Variants in FBXL7 observed in about 807,000 individuals in gnomAD.
FBXL7 encodes F-box and leucine rich repeat protein 7.
FBXL7 carries 12 observed loss-of-function variants against 38.3 expected under a neutral mutation model. The observed-to-expected ratio is 0.31, with a 90% CI of 0.20 to 0.51. The LOEUF (loss-of-function observed/expected upper bound fraction) is 0.51. FBXL7 is among the 20% of genes least tolerant of loss of function. The pLI is 0.98. For synonymous variants in FBXL7, 297 were observed against 300.9 expected, an observed-to-expected ratio of 0.99 and a Z score of 0.13; for missense variants, 567 against 676.4, an observed-to-expected ratio of 0.84 and a Z score of 1.79.
chr5:15,568,774 T>A (rs1475806151), intron 1 of FBXL7, among the ~76,000 whole-genome samples: 1 of 151,838 alleles, frequency 6.6e-6, no homozygotes, highest in Non-Finnish European at 1.5e-5. Flanking sequence ...GTATAAGGTG[T>A]AAGGAAGGGA....
intron 2 of FBXL7, among the ~76,000 whole-genome samples, chr5:15,839,785 T>C (rs934395231): frequency 2.6e-5 from 4 of 152,176 alleles, no homozygotes; most frequent in African/African-American, 9.6e-5. Flanking sequence ...CTCTTACTCC[T>C]ACCTCTCCTC....
intron 1 of FBXL7, 37 bp from the exon 2 acceptor site, chr5:15,615,946 A>G: frequency 6.8e-7 from 1 of 1,478,252 alleles, no homozygotes; most frequent in East Asian, 2.3e-5. Context: ...GTCTGAAATT[A>G]CAAATCTCAA....
intron 3 of FBXL7, among the ~76,000 whole-genome samples, chr5:15,934,939 C>G (rs527555263): frequency 6.6e-6 from 1 of 152,142 alleles, no homozygotes; most frequent in East Asian, 1.9e-4. Context: ...ATAATGCCAC[C>G]CAGGGATAAA....
intron 2 of FBXL7, among the ~76,000 whole-genome samples, chr5:15,768,346 A>C (rs961781668): frequency 1.3e-5 from 2 of 152,058 alleles, no homozygotes; most frequent in Non-Finnish European, 2.9e-5. Flanking sequence ...CCTGGCTAAC[A>C]CGGTGAAACC....
In FBXL7 at chr5:15,525,726, AGAG is replaced by A. The variant is rs1423385861; in HGVS notation, c.37+25017_37+25019del. Among the ~76,000 whole-genome samples the A allele has an allele frequency of 2.0e-5, 3 of 152,312 alleles. No homozygotes were observed. In the East Asian group the frequency reaches 5.8e-4, roughly 29 times the overall value. On this transcript the variant is annotated intron_variant, in intron 1 of 3. Coordinates refer to ENST00000504595, the MANE Select transcript of FBXL7 (RefSeq NM_012304.5). ...AGAGAAGGCGATATTCTTATATTTA[AGAG>A]GAGTCCTCAAAATGTGATAAGAAGA...
chr5:15,613,842 T>C (rs1332927661), intron 1 of FBXL7, among the ~76,000 whole-genome samples: 1 of 152,198 alleles, frequency 6.6e-6, no homozygotes, highest in Non-Finnish European at 1.5e-5. Context: ...AACAGAAATG[T>C]ATTTCTCACA....
At chr5:15,578,756 G>A (rs924891080) in intron 1 of FBXL7, among the ~76,000 whole-genome samples, 4 of 152,154 alleles carry the variant, frequency 2.6e-5, no homozygotes, top group African/African-American at 9.7e-5. Context: ...TACTAATTCT[G>A]CAAAATAAAA....
chr5:15,645,641 T>A (rs1216399549), intron 2 of FBXL7, among the ~76,000 whole-genome samples: 1 of 152,194 alleles, frequency 6.6e-6, no homozygotes, highest in African/African-American at 2.4e-5. Context: ...CAAAATAAAC[T>A]TTCTGAATTA....
chr5:15,840,349 A>G (rs77285085), intron 2 of FBXL7, among the ~76,000 whole-genome samples: 3 of 42,820 alleles, frequency 7.0e-5, no homozygotes, highest in Admixed American at 1.7e-4. Context: ...TGTTAGTAAA[A>G]ACCCCTCCTC....
intron 1 of FBXL7, among the ~76,000 whole-genome samples, chr5:15,543,785 T>C (rs1737824072): frequency 1.3e-5 from 2 of 152,220 alleles, no homozygotes; most frequent in South Asian, 4.1e-4. Flanking sequence ...CTATAGATGT[T>C]ATATGCATTT....
At chr5:15,570,199 G>A (rs187894721) in intron 1 of FBXL7, among the ~76,000 whole-genome samples, 331 of 152,248 alleles carry the variant, frequency 2.2e-3, no homozygotes, top group Middle Eastern at 0.017. Flanking sequence ...GGTAGAATTC[G>A]GCTGTGAATC....
chr5:15,874,371 C>T (rs895573205), intron 2 of FBXL7, among the ~76,000 whole-genome samples: 2 of 152,172 alleles, frequency 1.3e-5, no homozygotes, highest in African/African-American at 4.8e-5. Flanking sequence ...CAAGGATGCC[C>T]TCTCTCACCA....
chr5:15,628,649 T>G (rs1484420125), intron 2 of FBXL7, among the ~76,000 whole-genome samples: 1 of 152,252 alleles, frequency 6.6e-6, no homozygotes, highest in Non-Finnish European at 1.5e-5. Flanking sequence ...CATTTAAGCA[T>G]GCTGTTGTTA....
At chr5:15,550,767 G>C (rs1042799885) in intron 1 of FBXL7, among the ~76,000 whole-genome samples, 9 of 152,228 alleles carry the variant, frequency 5.9e-5, no homozygotes, top group African/African-American at 2.2e-4. Context: ...AAAATGCCTT[G>C]CTCATTCCGG....
chr5:15,594,004 C>T (rs1739549658), intron 1 of FBXL7, among the ~76,000 whole-genome samples: 1 of 152,106 alleles, frequency 6.6e-6, no homozygotes, highest in Non-Finnish European at 1.5e-5. Flanking sequence ...TCTTATGGTT[C>T]AACATTATAC....
chr5:15,858,365 C>A (rs1316302496), intron 2 of FBXL7, among the ~76,000 whole-genome samples: 1 of 151,808 alleles, frequency 6.6e-6, no homozygotes, highest in Non-Finnish European at 1.5e-5. Flanking sequence ...TACAGTAAAC[C>A]ATTCAGCTAA....
At chr5:15,777,720 T>TAAAAAAAAAAAAAAAAAAAAAAAA (rs371293320) in intron 2 of FBXL7, among the ~76,000 whole-genome samples, 11 of 82,520 alleles carry the variant, frequency 1.3e-4, no homozygotes, top group Non-Finnish European at 1.7e-4. Flanking sequence ...CCTATTCTGG[T>TAAAAAAAAAAAAAAAAAAAAAAAA]AAAAAAAAAA....
intron 2 of FBXL7, among the ~76,000 whole-genome samples, chr5:15,731,246 G>A (rs1392274117): frequency 1.3e-5 from 2 of 152,168 alleles, no homozygotes; most frequent in Non-Finnish European, 2.9e-5. Context: ...ATTTACAAAG[G>A]AAAGAGGTGT....
intron 2 of FBXL7, among the ~76,000 whole-genome samples, chr5:15,818,383 C>T (rs1011348289): frequency 6.6e-6 from 1 of 152,044 alleles, no homozygotes; most frequent in South Asian, 2.1e-4. Flanking sequence ...CTGGGGAAGC[C>T]CATTTCTAAG....
Sources: allele counts gnomAD v4.1 joint callset (sites outside exome capture counted in the v4.1 genomes callset), GRCh38; gene constraint gnomAD v4.1.1; transcripts MANE v1.5; gene names NCBI Gene and HGNC (gene_info 2026-07-23, HGNC 2026-07-21).